The following SCAI variants were observed in gnomAD, a reference collection of about 807,000 sequenced individuals.
SCAI encodes the protein protein SCAI.
In SCAI, 24 loss-of-function variants were observed where a neutral mutation model predicts 92.2. The ratio of observed to expected loss-of-function variants is 0.26; its 90% CI spans 0.19 to 0.37. The LOEUF (loss-of-function observed/expected upper bound fraction) is 0.37, where lower values mean the gene tolerates loss of function less well. Ranked by LOEUF, SCAI falls within the 10% of genes least tolerant of loss-of-function variation. The pLI is 1.00. For synonymous variants in SCAI, 261 were observed against 258.6 expected (o/e 1.01, Z -0.09); for missense variants, 450 against 736.2 (o/e 0.61, Z 4.50).
chr9:125,084,604 G>A (rs1371126094), intron 2 of SCAI, among the ~76,000 whole-genome samples: 1 of 152,076 alleles, frequency 6.6e-6, no homozygotes, highest in South Asian at 2.1e-4. Context: ...GAGCACTCTG[G>A]TTCCCCTAGA....
At chr9:125,101,698 G>T (rs1834682118) in intron 2 of SCAI, among the ~76,000 whole-genome samples, 1 of 152,172 alleles carries the variant, frequency 6.6e-6, no homozygotes, top group Non-Finnish European at 1.5e-5. Flanking sequence ...AATATGCCAA[G>T]AACTGTGTCA....
rs554147497 is a variant in SCAI, at chr9:125,061,047, C to G, written c.99-5040G>C. Among the ~76,000 whole-genome samples, 20 of 152,280 alleles carry G rather than the reference C, an allele frequency of 1.3e-4. No individual in the cohort carries two copies. The East Asian group carries it at 3.9e-3, about 29-fold the overall frequency. On this transcript the variant is annotated intron_variant, in intron 2 of 17. Transcript: ENST00000336505. ...GCACGGTGGCTCACGCCTGTAATCCCAGCACTTTGGGAGGCCAAGGCAGGC... is the reference window on the plus strand; with the variant it reads ...GCACGGTGGCTCACGCCTGTAATCCGAGCACTTTGGGAGGCCAAGGCAGGC...
At chr9:125,069,502 T>C (rs941616303) in intron 2 of SCAI, among the ~76,000 whole-genome samples, 4 of 150,012 alleles carry the variant, frequency 2.7e-5, no homozygotes, top group African/African-American at 9.8e-5. Flanking sequence ...GTATTTTTAG[T>C]AGAGACGGGG....
chr9:124,989,803 A>C (rs1437202911), intron 14 of SCAI, among the ~76,000 whole-genome samples: 1 of 149,860 alleles, frequency 6.7e-6, no homozygotes, highest in African/African-American at 2.5e-5. Context: ...GAATGGCCTG[A>C]ACTTGGGGAG....
intron 2 of SCAI, among the ~76,000 whole-genome samples, chr9:125,115,680 A>G (rs1209483420): frequency 6.6e-6 from 1 of 152,240 alleles, no homozygotes; most frequent in Non-Finnish European, 1.5e-5. Flanking sequence ...TTACAGTTAT[A>G]GTCATATCCA....
chr9:125,051,176 C>A (rs1299042825), intron 3 of SCAI, among the ~76,000 whole-genome samples: 1 of 152,078 alleles, frequency 6.6e-6, no homozygotes, highest in Admixed American at 6.6e-5. Flanking sequence ...GTGTGTGCCA[C>A]CACGCCTGGC....
intron 2 of SCAI, among the ~76,000 whole-genome samples, chr9:125,079,874 C>T (rs535857803): frequency 6.6e-6 from 1 of 152,288 alleles, no homozygotes; most frequent in East Asian, 1.9e-4. Context: ...AGGAATTAGA[C>T]CCCAAAGTCT....
intron 15 of SCAI, among the ~76,000 whole-genome samples, chr9:124,974,514 A>C (rs978242669): frequency 1.3e-5 from 2 of 152,078 alleles, no homozygotes; most frequent in African/African-American, 4.8e-5. Context: ...TATAGGCTTT[A>C]GATCTCAGAA....
At chr9:125,044,239 G>A (rs1053155781) in intron 3 of SCAI, among the ~76,000 whole-genome samples, 3 of 152,110 alleles carry the variant, frequency 2.0e-5, no homozygotes, top group African/African-American at 7.2e-5. Context: ...TGAAGTCCAT[G>A]GCCCAGAGTG....
chr9:125,077,463 C>T (rs770266880), intron 2 of SCAI, among the ~76,000 whole-genome samples: 1 of 152,130 alleles, frequency 6.6e-6, no homozygotes, highest in African/African-American at 2.4e-5. Flanking sequence ...TGGGGGTATA[C>T]CTCCTAGTAG....
chr9:125,003,030 A>T, intron 11 of SCAI, 84 bp downstream of exon 11: 2 of 816,018 alleles, frequency 2.5e-6, no homozygotes, highest in Non-Finnish European at 4.1e-6. Context: ...CTAAACTCTT[A>T]AGTATTTTTT....
chr9:125,050,329 A>G (rs896359432), intron 3 of SCAI, among the ~76,000 whole-genome samples: 35 of 152,174 alleles, frequency 2.3e-4, no homozygotes, highest in African/African-American at 8.4e-4. Flanking sequence ...TTATTCCAAA[A>G]TAAATCTTGT....
chr9:125,058,510 G>A (rs1216309899), intron 2 of SCAI, among the ~76,000 whole-genome samples: 2 of 151,978 alleles, frequency 1.3e-5, no homozygotes, highest in Non-Finnish European at 2.9e-5. Context: ...ACGAGACTGC[G>A]TTTCAAAAAA....
chr9:125,044,201 C>A (rs923476704), intron 3 of SCAI, among the ~76,000 whole-genome samples: 4 of 152,080 alleles, frequency 2.6e-5, no homozygotes, highest in Admixed American at 1.3e-4. Flanking sequence ...GGAGGCGGGC[C>A]TGGGGGGATA....
chr9:124,970,535 A>G (rs964299130), intron 17 of SCAI, among the ~76,000 whole-genome samples: 4 of 152,054 alleles, frequency 2.6e-5, no homozygotes, highest in African/African-American at 9.7e-5. Flanking sequence ...CCTGGCCAAT[A>G]TGGTGAAACC....
chr9:125,102,835 T>C (rs1284469950), intron 2 of SCAI, among the ~76,000 whole-genome samples: 1 of 152,116 alleles, frequency 6.6e-6, no homozygotes, highest in Non-Finnish European at 1.5e-5. Context: ...TGACCTCAGG[T>C]GATCCACCCA....
intron 2 of SCAI, among the ~76,000 whole-genome samples, chr9:125,115,609 A>G (rs953784306): frequency 1.4e-4 from 22 of 152,286 alleles, no homozygotes; most frequent in Admixed American, 1.3e-4. Context: ...CAAACTAAAG[A>G]ATACATACAG....
At chr9:125,076,580 T>C (rs1406392446) in intron 2 of SCAI, among the ~76,000 whole-genome samples, 13 of 146,544 alleles carry the variant, frequency 8.9e-5, no homozygotes, top group Non-Finnish European at 2.0e-4. Context: ...AAAGGAAACA[T>C]GGATGGCTGG....
intron 2 of SCAI, among the ~76,000 whole-genome samples, chr9:125,058,688 A>G (rs909423785): frequency 6.6e-6 from 1 of 152,102 alleles, no homozygotes; most frequent in Admixed American, 6.6e-5. Flanking sequence ...AGTGGTATGA[A>G]CGTTTCTAGC....
Sources: allele counts gnomAD v4.1 joint callset (sites outside exome capture counted in the v4.1 genomes callset), GRCh38; gene constraint gnomAD v4.1.1; transcripts MANE v1.5; gene names NCBI Gene and HGNC (gene_info 2026-07-23, HGNC 2026-07-21).